Variants in IFIH1 observed in about 807,000 individuals in gnomAD.
IFIH1 encodes interferon induced with helicase C domain 1.
Under a neutral mutation model 107.4 loss-of-function variants are expected in IFIH1, and 125 were observed. The ratio of observed to expected loss-of-function variants is 1.16; its 90% CI spans 1.01 to 1.35. IFIH1 has a LOEUF of 1.35. Among genes scored for constraint, IFIH1 ranks in the 40% most tolerant of loss-of-function variants. The pLI is 0.00. For synonymous variants in IFIH1, 458 were observed against 413.2 expected (o/e 1.11, Z -1.31); for missense variants, 1,333 against 1,213.7 (o/e 1.10, Z -1.46).
Position 162,293,663 on chromosome 2 carries a change from C to G in IFIH1, c.775G>C (p.Asp259His), listed in dbSNP as rs1683038041. The change falls in exon 4 of 16, where the codon GAC becomes CAC. Residue 259 changes from aspartate (D) to histidine (H), a missense_variant. Physicochemically the swap from Asp to His is moderately conservative, Grantham distance 81. Coordinates refer to ENST00000649979, the MANE Select transcript of IFIH1 (RefSeq NM_022168.4). Reference protein sequence around the residue: ...FADSSVVSESDTSLAEGSVSC... With the variant: ...FADSSVVSESHTSLAEGSVSC... ...ACACTTCCTTCTGCCAAACTTGTGT[C>G]TGATTCTGCAAAGGAAAACATTTTA... 4 of 1,603,804 alleles carry G rather than the reference C, an allele frequency of 2.5e-6. No homozygotes were observed. The highest frequency in any genetic ancestry group is 3.4e-6 in the Non-Finnish European group (4 of 1,172,798).
intron 14 of IFIH1, 91 bp from the exon 15 acceptor site, chr2:162,267,660 A>G: frequency 1.1e-6 from 1 of 923,052 alleles, no homozygotes; most frequent in Non-Finnish European, 1.8e-6. Context: ...GCTCATCCGC[A>G]TGCCTGCGGT....
chr2:162,313,642 T>G (rs1265929652), intron 1 of IFIH1, among the ~76,000 whole-genome samples: 2 of 152,208 alleles, frequency 1.3e-5, no homozygotes, highest in Non-Finnish European at 2.9e-5. Flanking sequence ...GATAGCTATT[T>G]AAATATAATG....
Position 162,282,334 on chromosome 2 carries a change from AT to A in IFIH1, c.1306+31del, listed in dbSNP as rs11441874. On this transcript the variant is annotated intron_variant, in intron 6 of 15. Transcript: ENST00000649979. Reference sequence around the variant, plus strand: ...TTTGTTATCATCAATATTACTATTAATTTTTTTAAAAAAATAAACACTTAAA... The same window carrying A: ...TTTGTTATCATCAATATTACTATTAATTTTTTAAAAAAATAAACACTTAAA... The A allele has an allele frequency of 1.1e-5, 15 of 1,417,892 alleles. 1 individual carries two copies. The highest frequency in any genetic ancestry group is 1.9e-4 in the Middle Eastern group (1 of 5,208). The allele number at this position is 1,417,892 out of a possible 1,614,324, so 87.8% of individuals were successfully genotyped here.
chr2:162,290,784 G>C (rs1270352338), intron 4 of IFIH1, among the ~76,000 whole-genome samples: 1 of 151,900 alleles, frequency 6.6e-6, no homozygotes, highest in Non-Finnish European at 1.5e-5. Flanking sequence ...AAAAATTAGA[G>C]TTGGATTCAA....
At chr2:162,309,437 G>T in intron 2 of IFIH1, among the ~76,000 whole-genome samples, 1 of 152,182 alleles carries the variant, frequency 6.6e-6, no homozygotes, top group Non-Finnish European at 1.5e-5. Flanking sequence ...ACTTTTGGGG[G>T]CATTCTTTCC....
In IFIH1 at chr2:162,278,307, G is replaced by C; in HGVS notation, c.1663C>G (p.Leu555Val). 1 of 1,446,766 alleles carries C rather than the reference G, an allele frequency of 6.9e-7. No homozygotes were observed. Among genetic ancestry groups the C allele is most frequent in the Non-Finnish European group, 9.6e-7 (1 of 1,041,200 alleles). 89.6% of individuals were successfully genotyped at this position (1,446,766 alleles called of 1,614,324 possible). Residue 555 changes from leucine (L) to valine (V), a missense_variant, in exon 9 of 16, where the codon CTA becomes GTA. By Grantham distance (32) the Leu-to-Val change is conservative. Transcript: ENST00000649979. ...GTTTGAATCCTTGTCATTATTTCTA[G>C]AAGTTTCTCTTTAAATGGATCCTAA... Reference protein sequence around the residue: ...TREDPFKEKLLEIMTRIQTYC... With the variant: ...TREDPFKEKLVEIMTRIQTYC...
rs1256109895 is a variant in IFIH1 at position 162,306,718 on chromosome 2, C to T, written c.760G>A (p.Val254Ile). 45 of 1,613,598 alleles carry T rather than the reference C, an allele frequency of 2.8e-5. No individual in the cohort carries two copies. Among genetic ancestry groups the T allele is most frequent in the Non-Finnish European group, 3.6e-5 (43 of 1,179,776 alleles). Residue 254 changes from valine to isoleucine, a missense_variant, in exon 3 of 16, where the codon GTA becomes ATA. Coordinates refer to ENST00000649979, the MANE Select transcript of IFIH1 (RefSeq NM_022168.4). ...TATGTGTTTCAAGTACCTGAAACTA[C>T]AGAAGAATCTGCAAAAGATGATTCT... ...SSESSFADSS[V>I]VSESDTSLAE...
chr2:162,276,953 G>T lies in IFIH1; in HGVS notation c.2045-7C>A, dbSNP rs1011613482. 11 of 1,585,452 alleles carry T rather than the reference G, an allele frequency of 6.9e-6. No homozygotes were observed. The highest frequency in any genetic ancestry group is 8.6e-6 in the Non-Finnish European group (10 of 1,167,552). The stretch of plus-strand genomic sequence containing the variant: ...TTCAACATTTTATTGTTTTCTTTAA[G>T]AAATAATTAGAGTTGATATGTTAAC... On this transcript the variant is annotated splice_region_variant and splice_polypyrimidine_tract_variant and intron_variant, in intron 10 of 15. Transcript: ENST00000649979.
At chr2:162,291,497 G>GAA (rs11330317) in intron 4 of IFIH1, among the ~76,000 whole-genome samples, 1 of 143,714 alleles carries the variant, frequency 7.0e-6, no homozygotes. Flanking sequence ...ATGGGAAACA[G>GAA]AAAAAAAAAA....
In IFIH1 at chr2:162,308,928, C is replaced by T. The variant is rs531578456; in HGVS notation, c.622+1837G>A. ...TCACCTAAACATTGTCCAAATCAGA[C>T]GTAGATGAGACTAGAGGTGTGATTC... On this transcript the variant is annotated intron_variant, in intron 2 of 15. Coordinates refer to ENST00000649979, the MANE Select transcript of IFIH1 (RefSeq NM_022168.4). Among the ~76,000 whole-genome samples, 12 of 152,274 alleles carry T rather than the reference C, an allele frequency of 7.9e-5. No homozygotes were observed. The South Asian group carries it at 1.0e-3, about 13-fold the overall frequency.
chr2:162,273,305 G>T (rs1691081480), intron 12 of IFIH1, among the ~76,000 whole-genome samples: 1 of 152,104 alleles, frequency 6.6e-6, no homozygotes, highest in East Asian at 1.9e-4. Context: ...ACATTTATAA[G>T]TCTGCCCCCA....
intron 3 of IFIH1, among the ~76,000 whole-genome samples, chr2:162,295,785 G>A (rs961095223): frequency 1.3e-5 from 2 of 151,818 alleles, no homozygotes; most frequent in Non-Finnish European, 2.9e-5. Context: ...GGCGAATGTG[G>A]GATAGAACTG....
At chr2:162,287,685 C>T (rs910059972) in intron 5 of IFIH1, among the ~76,000 whole-genome samples, 1 of 151,870 alleles carries the variant, frequency 6.6e-6, no homozygotes, top group African/African-American at 2.4e-5. Flanking sequence ...GAGGACTTGC[C>T]ATCTTTGACT....
At chr2:162,304,259 C>T (rs772179239) in intron 3 of IFIH1, among the ~76,000 whole-genome samples, 12 of 152,042 alleles carry the variant, frequency 7.9e-5, no homozygotes, top group Admixed American at 2.6e-4. Context: ...CAGGAGTTTC[C>T]AGACAAGTCT....
chr2:162,280,958 C>T (rs994399752), intron 7 of IFIH1, among the ~76,000 whole-genome samples: 2 of 151,992 alleles, frequency 1.3e-5, no homozygotes, highest in African/African-American at 2.4e-5. Flanking sequence ...AGTTTTGAAA[C>T]TCATGGAGTA....
chr2:162,291,388 A>C (rs1326870057), intron 4 of IFIH1, among the ~76,000 whole-genome samples: 1 of 151,716 alleles, frequency 6.6e-6, no homozygotes, highest in Non-Finnish European at 1.5e-5. Context: ...ATTAATAGGC[A>C]TTATCTTGAA....
intron 3 of IFIH1, among the ~76,000 whole-genome samples, chr2:162,303,986 T>C (rs369970555): frequency 1.3e-5 from 2 of 152,296 alleles, no homozygotes; most frequent in South Asian, 2.1e-4. Context: ...AGGACATTTA[T>C]TAAAACATGA....
At position 162,268,086 on chromosome 2, in the gene IFIH1, C is replaced by G; in HGVS notation, c.2807+1G>C. 6.3e-7 allele frequency: 1 copy of G among 1,591,134 alleles called. No individual in the cohort carries two copies. Among genetic ancestry groups the G allele is most frequent in the Non-Finnish European group, 8.6e-7 (1 of 1,169,492 alleles). On this transcript the variant is annotated splice_donor_variant, in intron 14 of 15. Transcript: ENST00000649979. LOFTEE classifies it high-confidence loss of function. ...GTAAAAATGGGTCTTTCTGGACTCACTTGAATTCTGGGGTCATATTGACGT... is the reference window on the plus strand; with the variant it reads ...GTAAAAATGGGTCTTTCTGGACTCAGTTGAATTCTGGGGTCATATTGACGT...
At position 162,267,484 on chromosome 2, in the gene IFIH1, C is replaced by T. The variant is rs202009944; in HGVS notation, c.2893G>A (p.Gly965Ser). The T allele has an allele frequency of 1.1e-4, 179 of 1,613,512 alleles. No homozygotes were observed. The highest frequency in any genetic ancestry group is 1.4e-4 in the Non-Finnish European group (166 of 1,179,536). The change falls in exon 15 of 16, where the codon GGC becomes AGC. Residue 965 changes from glycine (G) to serine (S), a missense_variant. Physicochemically the swap from Gly to Ser is moderately conservative, Grantham distance 56. Transcript: ENST00000649979. ...QINGEIICKC[G>S]QAWGTMMVHK... ...GCCCACAGCAATTTACTCACCTGGC[C>T]ACATTTGCAGATGATTTCACCATTT...
Sources: allele counts gnomAD v4.1 joint callset (sites outside exome capture counted in the v4.1 genomes callset), GRCh38; gene constraint gnomAD v4.1.1; transcripts MANE v1.5; gene names NCBI Gene and HGNC (gene_info 2026-07-23, HGNC 2026-07-21).